Variants in PARPBP observed in about 807,000 individuals in gnomAD.
PARPBP encodes PARP1 binding protein.
Under a neutral mutation model 50.0 loss-of-function variants are expected in PARPBP, and 52 were observed. The ratio of observed to expected loss-of-function variants is 1.04; its 90% CI spans 0.83 to 1.31. PARPBP has a LOEUF of 1.31. Among genes scored for constraint, PARPBP ranks in the 50% most tolerant of loss-of-function variants. The pLI is 0.00. For synonymous variants in PARPBP, 244 were observed against 232.1 expected (o/e 1.05, Z -0.47); for missense variants, 697 against 672.0 (o/e 1.04, Z -0.41).
chr12:102,188,383 G>A (rs1890502230), intron 9 of PARPBP, among the ~76,000 whole-genome samples: 1 of 151,956 alleles, frequency 6.6e-6, no homozygotes, highest in South Asian at 2.1e-4. Flanking sequence ...GGCCAGAGGT[G>A]ACAGAGATCC....
At chr12:102,145,820 A>G (rs1227604011) in intron 2 of PARPBP, among the ~76,000 whole-genome samples, 4 of 152,204 alleles carry the variant, frequency 2.6e-5, no homozygotes. Context: ...TTACAGTTTC[A>G]TGTGTCCATG....
chr12:102,190,739 G>C (rs1369701401), intron 9 of PARPBP, among the ~76,000 whole-genome samples: 3 of 152,140 alleles, frequency 2.0e-5, no homozygotes, highest in Non-Finnish European at 2.9e-5. Context: ...TTGTCAAACT[G>C]TAAGGGTTTT....
chr12:102,147,194 G>C (rs1053987624), intron 2 of PARPBP, among the ~76,000 whole-genome samples: 1 of 152,210 alleles, frequency 6.6e-6, no homozygotes, highest in Non-Finnish European at 1.5e-5. Flanking sequence ...AATACCATTT[G>C]ACCCAGCCAT....
In PARPBP at chr12:102,182,559, C is replaced by A; in HGVS notation, c.1195C>A (p.Gln399Lys). ...SILTLFRSPTQVNNSIKPLRE... is the reference protein window; with the variant it reads ...SILTLFRSPTKVNNSIKPLRE... Reference sequence around the variant, plus strand: ...TTTTTTTTGACATAGGTCTCCCACACAGGTGAATAATTCGATAAAACCCCT... The same window carrying A: ...TTTTTTTTGACATAGGTCTCCCACAAAGGTGAATAATTCGATAAAACCCCT... Residue 399 changes from glutamine to lysine, a missense_variant, in exon 9 of 11, where the codon CAG (glutamine) becomes AAG (lysine). Physicochemically the swap from Gln to Lys is moderately conservative, Grantham distance 53. Transcript: ENST00000327680. The A allele has an allele frequency of 6.2e-7, 1 of 1,608,104 alleles. No individual in the cohort carries two copies. The highest frequency in any genetic ancestry group is 8.5e-7 in the Non-Finnish European group (1 of 1,176,704).
chr12:102,166,026 A>G (rs181017643), intron 6 of PARPBP, 143 bp downstream of exon 6: 63 of 589,242 alleles, frequency 1.1e-4, no homozygotes, highest in Middle Eastern at 4.5e-4. Flanking sequence ...TGAATAAATT[A>G]TAATCACATG....
At chr12:102,178,834 A>G (rs1037168585) in intron 8 of PARPBP, 64 bp downstream of exon 8, 10 of 1,091,362 alleles carry the variant, frequency 9.2e-6, no homozygotes, top group African/African-American at 6.4e-5. Flanking sequence ...AAAGAAATGT[A>G]TGCTTATGGT....
intron 6 of PARPBP, among the ~76,000 whole-genome samples, chr12:102,170,589 C>G (rs892394295): frequency 6.6e-6 from 1 of 152,166 alleles, no homozygotes; most frequent in African/African-American, 2.4e-5. Flanking sequence ...GTTTGCAGCA[C>G]TTGAAGTTGC....
At chr12:102,138,424 G>C (rs769421721) in intron 2 of PARPBP, among the ~76,000 whole-genome samples, 3 of 152,142 alleles carry the variant, frequency 2.0e-5, no homozygotes, top group African/African-American at 7.2e-5. Flanking sequence ...CAGATGGGTA[G>C]ATTGCAAAAA....
At chr12:102,186,776 T>C (rs1890341502) in intron 9 of PARPBP, among the ~76,000 whole-genome samples, 1 of 152,168 alleles carries the variant, frequency 6.6e-6, no homozygotes, top group African/African-American at 2.4e-5. Flanking sequence ...CATATTATAT[T>C]GAATGTCTGA....
At chr12:102,143,613 C>T (rs1355558863) in intron 2 of PARPBP, among the ~76,000 whole-genome samples, 1 of 152,178 alleles carries the variant, frequency 6.6e-6, no homozygotes, top group Non-Finnish European at 1.5e-5. Flanking sequence ...CATCTTGGAA[C>T]CTCCTCCTAA....
intron 6 of PARPBP, 60 bp downstream of exon 6, chr12:102,165,943 T>C: frequency 8.7e-7 from 1 of 1,151,338 alleles, no homozygotes; most frequent in Admixed American, 2.2e-5. Flanking sequence ...CTTTACAGAA[T>C]TGGGTAGAAA....
chr12:102,151,858 C>G (rs1886252513), intron 3 of PARPBP: 12 of 1,265,710 alleles, frequency 9.5e-6, no homozygotes, highest in Non-Finnish European at 1.1e-6. Flanking sequence ...CTGGCACCAA[C>G]TCACTGTCCA....
rs141412572 is a variant in PARPBP, at chr12:102,144,126, C to T, written c.154-4104C>T. Among the ~76,000 whole-genome samples the T allele has an allele frequency of 5.9e-3, 899 of 152,304 alleles. 11 individuals carry two copies. Among genetic ancestry groups the T allele is most frequent in the African/African-American group, 0.02 (843 of 41,570 alleles). On this transcript the variant is annotated intron_variant, in intron 2 of 10. Transcript: ENST00000327680. ...GACTCAGGGGTTTCAGTATCTTACT[C>T]AAGGTCACATAGCCCATTAGTGCTC...
At chr12:102,184,444 A>G (rs1890131731) in intron 9 of PARPBP, among the ~76,000 whole-genome samples, 2 of 152,232 alleles carry the variant, frequency 1.3e-5, no homozygotes, top group Admixed American at 6.5e-5. Context: ...TACGAAACGT[A>G]TAGACAAATT....
intron 3 of PARPBP, 56 bp from the exon 4 acceptor site, chr12:102,153,813 A>G (rs1231782435): frequency 3.3e-6 from 3 of 904,240 alleles, no homozygotes; most frequent in Non-Finnish European, 5.5e-6. Context: ...CTTTATGTGA[A>G]GTATTTTTTA....
chr12:102,185,113 A>G (rs1481112060), intron 9 of PARPBP, among the ~76,000 whole-genome samples: 1 of 152,208 alleles, frequency 6.6e-6, no homozygotes, highest in Non-Finnish European at 1.5e-5. Flanking sequence ...CTGCGATCAC[A>G]AAAGTTTATG....
intron 4 of PARPBP, among the ~76,000 whole-genome samples, chr12:102,160,882 A>T (rs936928014): frequency 1.3e-5 from 2 of 151,932 alleles, no homozygotes; most frequent in Admixed American, 6.6e-5. Context: ...TGGGAGGCTG[A>T]GGTTGTGGTG....
chr12:102,161,328 G>T (rs1012004155), intron 4 of PARPBP, among the ~76,000 whole-genome samples: 10 of 151,988 alleles, frequency 6.6e-5, no homozygotes, highest in Non-Finnish European at 1.3e-4. Flanking sequence ...GGCTGGTCTT[G>T]AACTCTTGGT....
intron 2 of PARPBP, among the ~76,000 whole-genome samples, chr12:102,124,987 A>C (rs981509789): frequency 6.6e-6 from 1 of 152,254 alleles, no homozygotes; most frequent in Admixed American, 6.5e-5. Context: ...ACACTTAAAA[A>C]TTAAAAAGTA....
Sources: allele counts gnomAD v4.1 joint callset (sites outside exome capture counted in the v4.1 genomes callset), GRCh38; gene constraint gnomAD v4.1.1; transcripts MANE v1.5; gene names NCBI Gene and HGNC (gene_info 2026-07-23, HGNC 2026-07-21).